Variants in YTHDF3 observed in about 807,000 individuals in gnomAD.
YTHDF3 encodes YTH N6-methyladenosine RNA binding protein F3, also known as YTH domain-containing family protein 3.
YTHDF3 carries 9 observed loss-of-function variants against 52.5 expected under a neutral mutation model. The ratio of observed to expected loss-of-function variants is 0.17; its 90% CI spans 0.10 to 0.30. YTHDF3 has a LOEUF of 0.30. Among genes scored for constraint, YTHDF3 ranks in the 10% least tolerant of loss-of-function variants. The pLI, the probability that YTHDF3 is intolerant of heterozygous loss-of-function variation, is 1.00. For missense variants in YTHDF3, 534 were observed against 715.0 expected (o/e 0.75, Z 2.89); for synonymous variants, 274 against 243.3 (o/e 1.13, Z -1.18).
chr8:63,175,657 A>G lies in YTHDF3; in HGVS notation c.135+241A>G, dbSNP rs1450741044. 9 of 343,592 alleles carry G rather than the reference A, an allele frequency of 2.6e-5. No individual in the cohort carries two copies. The East Asian group carries it at 4.3e-4, about 16-fold the overall frequency. The allele number at this position is 343,592 out of a possible 1,614,324, so 21.3% of individuals were successfully genotyped here. A position where few individuals can be genotyped will look rare whatever the true frequency, so the allele number is the denominator to read the frequency against. ...ATAGAATAAAGATTTGAAGGTGACCATTATTTGTATATATTATGGTTAGGT... is the reference window on the plus strand; with the variant it reads ...ATAGAATAAAGATTTGAAGGTGACCGTTATTTGTATATATTATGGTTAGGT... On this transcript the variant is annotated intron_variant, in intron 3 of 4. Coordinates refer to ENST00000539294, the MANE Select transcript of YTHDF3 (RefSeq NM_152758.6).
intron 4 of YTHDF3, among the ~76,000 whole-genome samples, chr8:63,190,351 AT>A (rs1442861513): frequency 2.6e-5 from 4 of 151,608 alleles, no homozygotes; most frequent in Admixed American, 2.0e-4. Context: ...TTTTGTTATA[AT>A]GTATTTGGTA....
intron 2 of YTHDF3, among the ~76,000 whole-genome samples, chr8:63,170,268 AAC>A (rs1204990919): frequency 2.0e-5 from 3 of 152,204 alleles, no homozygotes; most frequent in South Asian, 2.1e-4. Context: ...TGATTTCAGT[AAC>A]ACAGTGTTAG....
At chr8:63,196,561 TAAA>T (rs945993019) in intron 4 of YTHDF3, among the ~76,000 whole-genome samples, 1 of 131,942 alleles carries the variant, frequency 7.6e-6, no homozygotes, top group African/African-American at 2.8e-5. Context: ...GACTCCGTCT[TAAA>T]AAAAAAAAAA....
chr8:63,173,439 G>C (rs1392736016), intron 2 of YTHDF3, among the ~76,000 whole-genome samples: 2 of 151,800 alleles, frequency 1.3e-5, no homozygotes, highest in African/African-American at 4.8e-5. Context: ...GTGGGATCTT[G>C]CTGTGTTGCC....
chr8:63,175,830 G>A (rs1048337047), intron 3 of YTHDF3: 1 of 154,506 alleles, frequency 6.5e-6, no homozygotes, highest in African/African-American at 2.4e-5. Flanking sequence ...GCAATTTTGG[G>A]TCAAATGTAG....
Position 63,212,194 on chromosome 8 carries a change from G to T in YTHDF3, c.*2488G>T, listed in dbSNP as rs1013827807. 6.6e-6 allele frequency: 1 copy of T among 152,488 alleles called. No homozygotes were observed. The highest frequency in any genetic ancestry group is 6.5e-5 in the Admixed American group (1 of 15,272). 9.4% of individuals were successfully genotyped at this position (152,488 alleles called of 1,614,324 possible). On this transcript the variant is annotated 3_prime_UTR_variant, in exon 5 of 5. Coordinates refer to ENST00000539294, the MANE Select transcript of YTHDF3 (RefSeq NM_152758.6). ...TTTCTTATTAAAGCTATCTTATGTG[G>T]GTATTTTATTTTGAAAGGTATTATA...
chr8:63,186,599 T>C lies in YTHDF3; in HGVS notation c.588T>C (p.Ile196=). The change falls in exon 4 of 5, where the codon ATT becomes ATC. Residue 196 remains isoleucine (I), a synonymous_variant. Coordinates refer to ENST00000539294, the MANE Select transcript of YTHDF3 (RefSeq NM_152758.6). The stretch of plus-strand genomic sequence containing the variant: ...AGCAAGGCATGACTGGACTGAAAAT[T>C]GGTGGTGACCTGACAGCTGCAGTGA... ...SIEQGMTGLK[I]GGDLTAAVTK... is the part of the protein sequence containing the mutation. 6.2e-7 allele frequency: 1 copy of C among 1,613,966 alleles called. No individual in the cohort carries two copies. Among genetic ancestry groups the C allele is most frequent in the Non-Finnish European group, 8.5e-7 (1 of 1,179,894 alleles).
chr8:63,208,712 A>T (rs1315529040), intron 4 of YTHDF3, among the ~76,000 whole-genome samples: 1 of 152,238 alleles, frequency 6.6e-6, no homozygotes, highest in African/African-American at 2.4e-5. Flanking sequence ...AGTGTTACAG[A>T]TAAATACTTG....
chr8:63,169,029 T>G, intron 1 of YTHDF3, 128 bp downstream of exon 1: 2 of 1,457,730 alleles, frequency 1.4e-6, no homozygotes, highest in Non-Finnish European at 1.8e-6. Flanking sequence ...CGCAAGTTGC[T>G]GCGGTGTAGC....
In YTHDF3 at chr8:63,211,232, A is replaced by C. The variant is rs1029251394; in HGVS notation, c.*1526A>C. 6.6e-6 allele frequency: 1 copy of C among 152,514 alleles called. No individual in the cohort carries two copies. The highest frequency in any genetic ancestry group is 1.5e-5 in the Non-Finnish European group (1 of 67,982). 9.4% of individuals were successfully genotyped at this position (152,514 alleles called of 1,614,324 possible). On this transcript the variant is annotated 3_prime_UTR_variant, in exon 5 of 5. Transcript: ENST00000539294. The stretch of plus-strand genomic sequence containing the variant: ...TGCAAATACTGTATTCAAGTGAAAA[A>C]AATACAGTATTTGTAGATAACCATA...
Position 63,186,645 on chromosome 8 carries a change from T to A in YTHDF3, c.634T>A (p.Leu212Met). 6.2e-7 allele frequency: 1 copy of A among 1,613,964 alleles called. No individual in the cohort carries two copies. Among genetic ancestry groups the A allele is most frequent in the Non-Finnish European group, 8.5e-7 (1 of 1,179,892 alleles). The change falls in exon 4 of 5, where the codon TTG (leucine) becomes ATG (methionine). Residue 212 changes from leucine to methionine, a missense_variant. This residue lies in a region of YTHDF3 where 196 missense variants were observed against 299.5 expected (regional missense o/e 0.65). Coordinates refer to ENST00000539294, the MANE Select transcript of YTHDF3 (RefSeq NM_152758.6). ...AAVTKTVGTA[L>M]SSSGMTSIAT... ...AGTGACAAAAACTGTAGGTACAGCT[T>A]TGAGCAGCAGTGGTATGACTAGCAT...
At chr8:63,206,023 T>G (rs190757753) in intron 4 of YTHDF3, among the ~76,000 whole-genome samples, 2 of 152,324 alleles carry the variant, frequency 1.3e-5, no homozygotes, top group African/African-American at 4.8e-5. Flanking sequence ...CAGTTGCCTA[T>G]TTGACATCTT....
intron 4 of YTHDF3, among the ~76,000 whole-genome samples, chr8:63,199,947 G>A (rs1809492622): frequency 6.6e-6 from 1 of 152,042 alleles, no homozygotes; most frequent in South Asian, 2.1e-4. Context: ...AGTTATTTAC[G>A]ACTGTCTAAT....
intron 4 of YTHDF3, 47 bp from the exon 5 acceptor site, chr8:63,209,636 T>G: frequency 6.6e-7 from 1 of 1,504,872 alleles, no homozygotes; most frequent in Middle Eastern, 1.8e-4. Context: ...ATAATGAGAG[T>G]TTTTCATTGT....
intron 3 of YTHDF3, among the ~76,000 whole-genome samples, chr8:63,185,839 TATG>T (rs1177437142): frequency 1.3e-5 from 2 of 152,214 alleles, no homozygotes; most frequent in Non-Finnish European, 2.9e-5. Flanking sequence ...TTGTAGAAAT[TATG>T]ATATTTTTAA....
chr8:63,186,894 C>G lies in YTHDF3; in HGVS notation c.883C>G (p.Leu295Val), dbSNP rs1464419119. 6.2e-7 allele frequency: 1 copy of G among 1,613,894 alleles called. No individual in the cohort carries two copies. Among genetic ancestry groups the G allele is most frequent in the South Asian group, 1.1e-5 (1 of 91,090 alleles). ...VVKAPPTQPV[L>V]PPQTIIQQPQ... ...AAAGGCTCCACCAACCCAACCAGTT[C>G]TGCCTCCTCAAACTATAATCCAGCA... The change falls in exon 4 of 5, where the codon CTG becomes GTG. Residue 295 changes from leucine (L) to valine (V), a missense_variant. Physicochemically the swap from Leu to Val is conservative, Grantham distance 32 (BLOSUM62 1). Transcript: ENST00000539294.
At chr8:63,194,561 A>G (rs956891042) in intron 4 of YTHDF3, among the ~76,000 whole-genome samples, 1 of 152,188 alleles carries the variant, frequency 6.6e-6, no homozygotes, top group South Asian at 2.1e-4. Flanking sequence ...CATACCTTTT[A>G]TCCAGATTCG....
chr8:63,177,583 TAATA>T (rs1170491044), intron 3 of YTHDF3, among the ~76,000 whole-genome samples: 5 of 152,172 alleles, frequency 3.3e-5, no homozygotes, highest in East Asian at 1.9e-4. Context: ...TTAGGAGGTG[TAATA>T]AATATTCCTT....
At chr8:63,179,774 C>T (rs1216016445) in intron 3 of YTHDF3, among the ~76,000 whole-genome samples, 5 of 152,088 alleles carry the variant, frequency 3.3e-5, no homozygotes, top group Admixed American at 3.3e-4. Flanking sequence ...AGAGGGGCTC[C>T]TCACTTCCCA....
Sources: allele counts gnomAD v4.1 joint callset (sites outside exome capture counted in the v4.1 genomes callset), GRCh38; gene constraint gnomAD v4.1.1; regional missense constraint gnomAD v4.1.1; transcripts MANE v1.5; gene names NCBI Gene and HGNC (gene_info 2026-07-23, HGNC 2026-07-21).